ZNF48: variants seen among roughly 807,000 people sequenced by gnomAD.
ZNF48 encodes the protein zinc finger protein 553.
Under a neutral mutation model 40.0 loss-of-function variants are expected in ZNF48, and 20 were observed. The observed-to-expected ratio is 0.50, with a 90% CI of 0.35 to 0.73. The LOEUF is 0.73. Ranked by LOEUF, ZNF48 falls within the 30% of genes least tolerant of loss-of-function variation. The pLI is 0.01. For synonymous variants in ZNF48, 298 were observed against 329.7 expected (o/e 0.90, Z 1.04); for missense variants, 726 against 851.9 (o/e 0.85, Z 1.84).
rs2049998767 is a variant in ZNF48, at chr16:30,397,546, G to A, written c.296G>A (p.Gly99Asp). Residue 99 changes from glycine to aspartate, a missense_variant, in exon 3 of 3, where the codon GGT becomes GAT. By Grantham distance (94) the Gly-to-Asp change is moderately conservative. Around this residue, in one of 5 missense-constraint regions of ZNF48, gnomAD observed 151 missense variants for 162.3 expected, o/e 0.93. Coordinates refer to ENST00000613509, the MANE Select transcript of ZNF48 (RefSeq NM_001214909.2). This position sits in a 1 kb window ranked among gnomAD's most constrained non-coding sequence, Gnocchi z 4.1. ...QPRDRGPRLL[G>D]EPRWGQASSD... ...CGGGACAGAGGCCCCCGGCTCCTGG[G>A]TGAACCACGCTGGGGCCAGGCTAGT... The A allele has an allele frequency of 1.9e-6, 3 of 1,614,040 alleles. No homozygotes were observed. Among genetic ancestry groups the A allele is most frequent in the East Asian group, 4.5e-5 (2 of 44,902 alleles).
rs750001973 is a variant in ZNF48, at chr16:30,398,273, G to A, written c.1023G>A (p.Ala341=). 3.2e-5 allele frequency: 51 copies of A among 1,612,772 alleles called. No individual in the cohort carries two copies. The highest frequency in any genetic ancestry group is 1.5e-4 in the African/African-American group (11 of 74,718). ...GCCCAGAGTGCGGCAAAGGTTTCGCGGACAGCTCCGCCCGAGTCAAACACC... is the reference window on the plus strand; with the variant it reads ...GCCCAGAGTGCGGCAAAGGTTTCGCAGACAGCTCCGCCCGAGTCAAACACC... ...YLCPECGKGF[A]DSSARVKHLR... The change falls in exon 3 of 3, where the codon GCG becomes GCA. Residue 341 remains alanine (A), a synonymous_variant. Transcript: ENST00000613509. The surrounding 1 kb of genome is among the most constrained non-coding windows in gnomAD (Gnocchi z 6.6).
At chr16:30,394,999 C>T (rs949451814), upstream of ZNF48, 6 of 287,872 alleles carry the variant, frequency 2.1e-5, no homozygotes, top group African/African-American at 4.5e-5. Context: ...ACCAGCCCCG[C>T]TTTGTTTCCC....
intron 1 of ZNF48, among the ~76,000 whole-genome samples, chr16:30,388,590 C>A (rs1002657331): frequency 6.6e-6 from 1 of 150,862 alleles, no homozygotes; most frequent in African/African-American, 2.4e-5. Flanking sequence ...GACCTTGTCT[C>A]AAAAAAAACA....
Position 30,381,044 on chromosome 16 carries a change from G to A in ZNF48, c.-16+2634G>A. Reference sequence around the variant, plus strand: ...AGCCTGATGCACCATGCTCCAGAAAGGCCACTTCAAGATCAAAGAAGTCTA... The same window carrying A: ...AGCCTGATGCACCATGCTCCAGAAAAGCCACTTCAAGATCAAAGAAGTCTA... On this transcript the variant is annotated intron_variant, in intron 1 of 2. Transcript: ENST00000528032. The surrounding 1 kb of genome is among the most constrained non-coding windows in gnomAD (Gnocchi z 4.3). 1 of 1,113,436 alleles carries A rather than the reference G, an allele frequency of 9.0e-7. No individual in the cohort carries two copies. The highest frequency in any genetic ancestry group is 1.4e-6 in the Non-Finnish European group (1 of 726,068). The allele number at this position is 1,113,436 out of a possible 1,614,324, so 69.0% of individuals were successfully genotyped here. A position where few individuals can be genotyped will look rare whatever the true frequency, so the allele number is the denominator to read the frequency against.
chr16:30,394,051 G>C (rs1217821282), upstream of ZNF48, among the ~76,000 whole-genome samples: 1 of 149,934 alleles, frequency 6.7e-6, no homozygotes, highest in Non-Finnish European at 1.5e-5. Context: ...TTTTTAAAGA[G>C]ACAGGGTCTC....
chr16:30,397,310 A>G lies in ZNF48; in HGVS notation c.80-20A>G. 2 of 1,593,540 alleles carry G rather than the reference A, an allele frequency of 1.3e-6. No individual in the cohort carries two copies. The highest frequency in any genetic ancestry group is 2.2e-5 in the East Asian group (1 of 44,808). On this transcript the variant is annotated intron_variant, in intron 2 of 2. Coordinates refer to ENST00000613509, the MANE Select transcript of ZNF48 (RefSeq NM_001214909.2). This position sits in a 1 kb window ranked among gnomAD's most constrained non-coding sequence, Gnocchi z 4.1. ...ACCGAGCCAAAGGGGAGGGTCTACA[A>G]CTTCCTTTTCTTTCCTCAGGTCTAG...
Position 30,397,288 on chromosome 16 carries a change from G to T in ZNF48, c.80-42G>T. ...GAGGTTGCTGTCAAAGATAAGTACCGAGCCAAAGGGGAGGGTCTACAACTT... is the reference window on the plus strand; with the variant it reads ...GAGGTTGCTGTCAAAGATAAGTACCTAGCCAAAGGGGAGGGTCTACAACTT... On this transcript the variant is annotated intron_variant, in intron 2 of 2. Coordinates refer to ENST00000613509, the MANE Select transcript of ZNF48 (RefSeq NM_001214909.2). The surrounding 1 kb of genome is among the most constrained non-coding windows in gnomAD (Gnocchi z 4.1). The T allele has an allele frequency of 6.4e-7, 1 of 1,551,998 alleles. No homozygotes were observed. Among genetic ancestry groups the T allele is most frequent in the South Asian group, 1.2e-5 (1 of 80,738 alleles).
At position 30,382,958 on chromosome 16, in the gene ZNF48, G is replaced by A. The variant is rs4341758; in HGVS notation, c.-16+4548G>A. On this transcript the variant is annotated intron_variant, in intron 1 of 2. Transcript: ENST00000528032. The surrounding 1 kb of genome is among the most constrained non-coding windows in gnomAD (Gnocchi z 4.8). ...GGAGGCGGAGGAGGGAGGACAGCTTGAGCCAAGGAGTTCCAGACCAGCCTG... is the reference window on the plus strand; with the variant it reads ...GGAGGCGGAGGAGGGAGGACAGCTTAAGCCAAGGAGTTCCAGACCAGCCTG... 26,438 of 656,182 alleles carry A rather than the reference G, an allele frequency of 0.04. 2,292 individuals carry two copies. The highest frequency in any genetic ancestry group is 0.27 in the African/African-American group (15,056 of 56,294). 40.6% of individuals were successfully genotyped at this position (656,182 alleles called of 1,614,324 possible).
intron 1 of ZNF48, chr16:30,380,921 G>GC: frequency 1.6e-6 from 1 of 611,008 alleles, no homozygotes; most frequent in South Asian, 1.9e-5. Context: ...CAGGCATCTA[G>GC]CCCGGGGGCT....
At position 30,398,230 on chromosome 16, in the gene ZNF48, G is replaced by T; in HGVS notation, c.980G>T (p.Gly327Val). The T allele has an allele frequency of 6.2e-7, 1 of 1,613,682 alleles. No individual in the cohort carries two copies. The highest frequency in any genetic ancestry group is 8.5e-7 in the Non-Finnish European group (1 of 1,180,024). ...GTGAAGCACCTGCGGGTGCACACGG[G>T]TGAGAAGCCCTACCTCTGCCCAGAG... ...DLVKHLRVHT[G>V]EKPYLCPECG... Residue 327 changes from glycine (G) to valine (V), a missense_variant, in exon 3 of 3, where the codon GGT becomes GTT. Gly to Val is a moderately radical substitution (Grantham distance 109). Around this residue, in one of 5 missense-constraint regions of ZNF48, gnomAD observed 378 missense variants for 449.1 expected, o/e 0.84. Transcript: ENST00000613509. The surrounding 1 kb of genome is among the most constrained non-coding windows in gnomAD (Gnocchi z 6.6).
chr16:30,389,816 GTTTTTTTTTTTTTTTTTTTTTTTTTTTT>G lies in ZNF48; in HGVS notation c.-15-5954_-15-5927del, dbSNP rs56373430. Among the ~76,000 whole-genome samples the G allele has an allele frequency of 2.2e-4, 5 of 22,502 alleles. No individual in the cohort carries two copies. The South Asian group carries it at 0.017, about 78-fold the overall frequency. 14.8% of individuals were successfully genotyped at this position (22,502 alleles called of 152,430 possible). On this transcript the variant is annotated intron_variant, in intron 1 of 2. Coordinates refer to the ZNF48 transcript ENST00000528032. ...AGTAATTATTTAGTCATTTGGATTA[GTTTTTTTTTTTTTTTTTTTTTTTTTTTT>G]TTTTTTTTTAGAAACAGGGTCTTGT...
rs746462990 is a variant in ZNF48, at chr16:30,381,853, C to T, written c.-16+3443C>T. ...CCCTTCCTCAATCTCTACGCCCCGG[C>T]GCTCAATGGCCAGGGTCTGTGTCAA... On this transcript the variant is annotated intron_variant, in intron 1 of 2. Coordinates refer to the ZNF48 transcript ENST00000528032. The surrounding 1 kb of genome is among the most constrained non-coding windows in gnomAD (Gnocchi z 4.3). 6.2e-6 allele frequency: 10 copies of T among 1,614,060 alleles called. No individual in the cohort carries two copies. Among genetic ancestry groups the T allele is most frequent in the South Asian group, 1.1e-5 (1 of 91,094 alleles).
At position 30,398,011 on chromosome 16, in the gene ZNF48, G is replaced by A. The variant is rs1328847714; in HGVS notation, c.761G>A (p.Arg254Gln). 2.2e-5 allele frequency: 35 copies of A among 1,612,778 alleles called. No homozygotes were observed. Among genetic ancestry groups the A allele is most frequent in the African/African-American group, 4.0e-5 (3 of 74,922 alleles). The change falls in exon 3 of 3, where the codon CGA becomes CAA. Residue 254 changes from arginine to glutamine, a missense_variant. By Grantham distance (43) the Arg-to-Gln change is conservative. This residue lies in a region of ZNF48 where 378 missense variants were observed against 449.1 expected (regional missense o/e 0.84). Coordinates refer to ENST00000613509, the MANE Select transcript of ZNF48 (RefSeq NM_001214909.2). The surrounding 1 kb of genome is among the most constrained non-coding windows in gnomAD (Gnocchi z 6.6). The stretch of plus-strand genomic sequence containing the variant: ...CAGCCCCCCCGACCAGTGGTGCCCC[G>A]ACGGCAGCCATCTCGGGCAGCCACG... Reference protein sequence around the residue: ...GEQPPRPVVPRRQPSRAATAA... With the variant: ...GEQPPRPVVPQRQPSRAATAA...
chr16:30,382,570 C>A lies in ZNF48; in HGVS notation c.-16+4160C>A. 2 of 1,580,884 alleles carry A rather than the reference C, an allele frequency of 1.3e-6. No homozygotes were observed. Among genetic ancestry groups the A allele is most frequent in the East Asian group, 2.3e-5 (1 of 43,792 alleles). ...CTGCACCTGCCGTCTCTCCCCACTT[C>A]CTCTGGTGGGGCAGGAAGCTGAGTG... On this transcript the variant is annotated intron_variant, in intron 1 of 2. Transcript: ENST00000528032. This position sits in a 1 kb window ranked among gnomAD's most constrained non-coding sequence, Gnocchi z 4.8.
rs765486921 is a variant in ZNF48 at position 30,381,491 on chromosome 16, ATG to A, written c.-16+3084_-16+3085del. The A allele has an allele frequency of 2.9e-5, 47 of 1,613,664 alleles. No individual in the cohort carries two copies. The African/African-American group carries it at 4.5e-4, about 16-fold the overall frequency. Reference sequence around the variant, plus strand: ...GAAGCCAGCTGGGTGTGGGGAGAGGATGTGAGGTCAGAGATCAAAGGCCAGAG... The same window carrying A: ...GAAGCCAGCTGGGTGTGGGGAGAGGATGAGGTCAGAGATCAAAGGCCAGAG... On this transcript the variant is annotated intron_variant, in intron 1 of 2. Transcript: ENST00000528032. The surrounding 1 kb of genome is among the most constrained non-coding windows in gnomAD (Gnocchi z 4.3).
chr16:30,395,505 C>A lies in ZNF48; in HGVS notation c.-89C>A, dbSNP rs1407219767. On this transcript the variant is annotated 5_prime_UTR_variant, in exon 1 of 3. Coordinates refer to ENST00000613509, the MANE Select transcript of ZNF48 (RefSeq NM_001214909.2). The surrounding 1 kb of genome is among the most constrained non-coding windows in gnomAD (Gnocchi z 5.9). ...GGAGCCTGCATCCCGGAGCCGCTGGCGGCTCGGGCGCCTGCACCCCGCTGA... is the reference window on the plus strand; with the variant it reads ...GGAGCCTGCATCCCGGAGCCGCTGGAGGCTCGGGCGCCTGCACCCCGCTGA... The A allele has an allele frequency of 1.6e-5, 5 of 310,602 alleles. No individual in the cohort carries two copies. Among genetic ancestry groups the A allele is most frequent in the Admixed American group, 4.6e-5 (1 of 21,822 alleles). The allele number at this position is 310,602 out of a possible 1,614,324, so 19.2% of individuals were successfully genotyped here.
chr16:30,396,940 C>T (rs943434748), intron 2 of ZNF48, among the ~76,000 whole-genome samples: 2 of 152,156 alleles, frequency 1.3e-5, no homozygotes, highest in Admixed American at 6.6e-5. Flanking sequence ...GATCCACCCA[C>T]CTCGGCCTCC....
upstream of ZNF48, among the ~76,000 whole-genome samples, chr16:30,393,556 T>A (rs985467227): frequency 2.6e-5 from 4 of 151,784 alleles, no homozygotes; most frequent in Non-Finnish European, 1.5e-5. Context: ...TGCTAAGTTT[T>A]GTATTTTTAG....
chr16:30,384,237 A>G (rs1293670503), intron 1 of ZNF48, among the ~76,000 whole-genome samples: 1 of 145,610 alleles, frequency 6.9e-6, no homozygotes, highest in East Asian at 2.1e-4. Context: ...AAACAAACAA[A>G]TCTACCTCAG....
Sources: gnomAD v4.1 joint callset for allele counts (sites outside exome capture counted in the v4.1 genomes callset) on GRCh38, gnomAD v4.1.1 for gene constraint, gnomAD v4.1.1 regional missense constraint, Gnocchi (gnomAD v3.1) non-coding constraint, MANE v1.5 for transcripts, NCBI Gene and HGNC (gene_info 2026-07-23, HGNC 2026-07-21) for gene names.